PBX1: variants seen among roughly 807,000 people sequenced by gnomAD.
The protein encoded by PBX1 is pre-B-cell leukemia transcription factor 1.
In PBX1, 6 loss-of-function variants were observed where a neutral mutation model predicts 53.4. That is an observed-to-expected ratio of 0.11 (90% CI 0.06 to 0.22). The LOEUF (loss-of-function observed/expected upper bound fraction) is 0.22, where lower values mean the gene tolerates loss of function less well. PBX1 is among the 10% of genes least tolerant of loss of function. PBX1 has a pLI of 1.00. For missense variants in PBX1, 251 were observed against 551.4 expected (o/e 0.46, Z 5.46); for synonymous variants, 204 against 212.3 (o/e 0.96, Z 0.34).
At chr1:164,870,268 T>TCCTTC (rs1258412775) in intron 2 of PBX1, among the ~76,000 whole-genome samples, 2 of 22,324 alleles carry the variant, frequency 9.0e-5, no homozygotes, top group Non-Finnish European at 2.3e-4. Flanking sequence ...CTTCCTTCCT[T>TCCTTC]CTTTCTTTCT....
intron 8 of PBX1, among the ~76,000 whole-genome samples, chr1:164,827,016 G>A (rs1410474787): frequency 6.6e-6 from 1 of 152,088 alleles, no homozygotes; most frequent in Non-Finnish European, 1.5e-5. Context: ...GGGGAAAAAG[G>A]AACATTTACC....
chr1:164,688,850 T>G (rs539353193), intron 2 of PBX1, among the ~76,000 whole-genome samples: 91 of 152,374 alleles, frequency 6.0e-4, no homozygotes, highest in African/African-American at 2.2e-3. Context: ...TCATGGAAAC[T>G]GCTGTAATGC....
At chr1:164,802,419 G>C (rs74118208) in intron 4 of PBX1, among the ~76,000 whole-genome samples, 83 of 152,192 alleles carry the variant, frequency 5.5e-4, no homozygotes, top group African/African-American at 1.9e-3. Context: ...CTGATTGTAC[G>C]ACTGAGGGCC....
At chr1:164,870,337 CTTTCTTTCT>C (rs1672346887) in intron 2 of PBX1, among the ~76,000 whole-genome samples, 1 of 106,192 alleles carries the variant, frequency 9.4e-6, no homozygotes, top group Non-Finnish European at 1.9e-5. Context: ...TTCTTTCTTT[CTTTCTTTCT>C]TTCTTTCTTT....
At chr1:164,776,822 A>G (rs1455615540) in intron 2 of PBX1, among the ~76,000 whole-genome samples, 2 of 152,228 alleles carry the variant, frequency 1.3e-5, no homozygotes, top group East Asian at 1.9e-4. Flanking sequence ...GTCATTGTAC[A>G]TATGGCTTGT....
chr1:164,707,885 T>A (rs2102065436), intron 2 of PBX1, among the ~76,000 whole-genome samples: 1 of 152,306 alleles, frequency 6.6e-6, no homozygotes, highest in African/African-American at 2.4e-5. Context: ...GATTGCGCTA[T>A]CTTGATTAGA....
intron 2 of PBX1, among the ~76,000 whole-genome samples, chr1:164,665,282 T>G (rs541104983): frequency 8.5e-5 from 13 of 152,332 alleles, no homozygotes; most frequent in African/African-American, 3.1e-4. Context: ...GATTTTATTT[T>G]ATTTTATTGA....
At chr1:164,722,477 C>G (rs1003480445) in intron 2 of PBX1, among the ~76,000 whole-genome samples, 1 of 152,118 alleles carries the variant, frequency 6.6e-6, no homozygotes. Flanking sequence ...ATTGTTTTGC[C>G]ACAAAGTTAC....
chr1:164,821,377 G>A lies in PBX1; in HGVS notation c.1111-160G>A, dbSNP rs186428494. Among the ~76,000 whole-genome samples the A allele has an allele frequency of 4.9e-3, 752 of 152,238 alleles. 8 individuals are homozygous for A. The highest frequency in any genetic ancestry group is 0.015 in the Admixed American group (224 of 15,296). On this transcript the variant is annotated intron_variant, in intron 7 of 8. Transcript: ENST00000420696. ...ATTCTTTATGGATTGGCATACGGAGGAAGCTAGCCTCCTCCTAATGGACTC... is the reference window on the plus strand; with the variant it reads ...ATTCTTTATGGATTGGCATACGGAGAAAGCTAGCCTCCTCCTAATGGACTC...
chr1:164,591,766 C>G (rs1655397725), intron 2 of PBX1, among the ~76,000 whole-genome samples: 1 of 152,186 alleles, frequency 6.6e-6, no homozygotes, highest in African/African-American at 2.4e-5. Flanking sequence ...TCCTATCCTA[C>G]AAGTAGAGAA....
intron 2 of PBX1, among the ~76,000 whole-genome samples, chr1:164,754,043 TG>T (rs1191996164): frequency 6.6e-6 from 1 of 152,134 alleles, no homozygotes; most frequent in Non-Finnish European, 1.5e-5. Context: ...AGGGTGGGCT[TG>T]GGAAGATGTT....
intron 2 of PBX1, chr1:164,684,672 G>A (rs1179342594): frequency 6.6e-6 from 1 of 152,140 alleles, no homozygotes; most frequent in Non-Finnish European, 1.5e-5. Context: ...AATATGAAAA[G>A]AGAATTATCA....
At chr1:164,837,923 C>T (rs144308722) in intron 8 of PBX1, among the ~76,000 whole-genome samples, 7 of 152,328 alleles carry the variant, frequency 4.6e-5, no homozygotes, top group South Asian at 2.1e-4. Context: ...AAAACCACCC[C>T]GTGTCTCAGA....
At chr1:164,560,799 T>C (rs890373835) in intron 1 of PBX1, among the ~76,000 whole-genome samples, 2 of 152,134 alleles carry the variant, frequency 1.3e-5, no homozygotes, top group Non-Finnish European at 2.9e-5. Flanking sequence ...GTAGGGTCCT[T>C]TAAAAAGGGG....
intron 2 of PBX1, among the ~76,000 whole-genome samples, chr1:164,722,057 A>G (rs1241070059): frequency 1.3e-5 from 2 of 151,734 alleles, no homozygotes; most frequent in Non-Finnish European, 2.9e-5. Flanking sequence ...CCCCTGACCG[A>G]CTCTTTACAG....
intron 2 of PBX1, among the ~76,000 whole-genome samples, chr1:164,645,727 A>C (rs577955465): frequency 1.3e-5 from 2 of 152,310 alleles, no homozygotes; most frequent in East Asian, 1.9e-4. Context: ...TTAATGTGCA[A>C]ATTTGTCCCC....
At chr1:164,742,363 A>G (rs943487847) in intron 2 of PBX1, among the ~76,000 whole-genome samples, 41 of 152,216 alleles carry the variant, frequency 2.7e-4, no homozygotes, top group African/African-American at 9.1e-4. Flanking sequence ...CCAACATGGC[A>G]AAACCCCATG....
chr1:164,686,917 A>G lies in PBX1; in HGVS notation c.266-105577A>G, dbSNP rs541399091. Among the ~76,000 whole-genome samples the G allele has an allele frequency of 3.0e-4, 46 of 152,140 alleles. No homozygotes were observed. The South Asian group carries it at 9.1e-3, about 30-fold the overall frequency. The stretch of plus-strand genomic sequence containing the variant: ...GCTTGCTGTAAGCAGAGATCGTGCC[A>G]CTGCACTCCAGCCTGGGCGACAGAG... On this transcript the variant is annotated intron_variant, in intron 2 of 8. Coordinates refer to ENST00000420696, the MANE Select transcript of PBX1 (RefSeq NM_002585.4).
At chr1:164,606,423 G>A (rs905290182) in intron 2 of PBX1, among the ~76,000 whole-genome samples, 5 of 152,042 alleles carry the variant, frequency 3.3e-5, no homozygotes, top group African/African-American at 1.2e-4. Flanking sequence ...CTGGGAGGCG[G>A]AGGTTGCAGT....
Sources: gnomAD v4.1 joint callset for allele counts (sites outside exome capture counted in the v4.1 genomes callset) on GRCh38, gnomAD v4.1.1 for gene constraint, MANE v1.5 for transcripts, NCBI Gene and HGNC (gene_info 2026-07-23, HGNC 2026-07-21) for gene names.